POTEC: variants seen among roughly 807,000 people sequenced by gnomAD.
The protein encoded by POTEC is ANKRD26-like family B member 2.
A neutral mutation model predicts 62.0 loss-of-function variants in POTEC; 35 were observed. The observed-to-expected ratio is 0.56, with a 90% CI of 0.43 to 0.75. The LOEUF is 0.75. POTEC is among the 30% of genes least tolerant of loss of function. The pLI is 0.00. For missense variants in POTEC, 472 were observed against 655.9 expected (o/e 0.72, Z 3.06); for synonymous variants, 156 against 221.5 (o/e 0.70, Z 2.62).
Position 14,516,723 on chromosome 18 carries a change from T to C in POTEC, c.1410-2938A>G, listed in dbSNP as rs1200363603. 1.3e-4 allele frequency among the ~76,000 whole-genome samples: 20 copies of C among 151,386 alleles called. No individual in the cohort carries two copies. The East Asian group carries it at 3.1e-3, about 24-fold the overall frequency. On this transcript the variant is annotated intron_variant, in intron 9 of 10. Coordinates refer to ENST00000358970, the MANE Select transcript of POTEC (RefSeq NM_001137671.2). ...AATGTCATTATTTATATTTCAAAGA[T>C]AGCAATTTTTATTAGTAATGATTTT...
intron 6 of POTEC, chr18:14,529,106 C>T (rs1210792389): frequency 2.3e-6 from 1 of 435,360 alleles, no homozygotes; most frequent in East Asian, 7.0e-5. Context: ...TTTTTCAAAA[C>T]TTTCATTCCT....
intron 9 of POTEC, among the ~76,000 whole-genome samples, chr18:14,520,995 A>G (rs1393677835): frequency 1.3e-5 from 2 of 152,174 alleles, no homozygotes; most frequent in Non-Finnish European, 2.9e-5. Flanking sequence ...TATATAGTCC[A>G]CAAAGCCTAA....
Position 14,538,197 on chromosome 18 carries a change from G to A in POTEC, c.574C>T (p.Leu192=). Residue 192 remains leucine (L), a synonymous_variant, in exon 2 of 11, where the codon CTG becomes TTG. Coordinates refer to ENST00000358970, the MANE Select transcript of POTEC (RefSeq NM_001137671.2). ...ANGNSEVVQL[L]LDRRCQLNVL... is the part of the protein sequence containing the mutation. ...TTAAGTTGACATCGTCTGTCCAGCA[G>A]GAGTTGTACTACTTCTGAATTTCCA... 1 of 1,610,744 alleles carries A rather than the reference G, an allele frequency of 6.2e-7. No homozygotes were observed. Among genetic ancestry groups the A allele is most frequent in the South Asian group, 1.1e-5 (1 of 90,826 alleles).
At chr18:14,523,784 A>C (rs1910367706) in intron 7 of POTEC, among the ~76,000 whole-genome samples, 1 of 152,180 alleles carries the variant, frequency 6.6e-6, no homozygotes, top group Non-Finnish European at 1.5e-5. Context: ...GAATAAAAAC[A>C]TCAACCAGCA....
chr18:14,539,638 C>G (rs1598482484), intron 1 of POTEC, among the ~76,000 whole-genome samples: 1 of 151,146 alleles, frequency 6.6e-6, no homozygotes, highest in African/African-American at 2.4e-5. Flanking sequence ...ACATAGTATT[C>G]CATGCTGTTT....
At chr18:14,530,842 C>T (rs938745328) in intron 5 of POTEC, among the ~76,000 whole-genome samples, 6 of 152,148 alleles carry the variant, frequency 3.9e-5, no homozygotes, top group African/African-American at 9.7e-5. Context: ...TAAGTCCTAG[C>T]TCCATAATGA....
chr18:14,523,909 G>C (rs1422904451), intron 7 of POTEC, among the ~76,000 whole-genome samples: 1 of 152,126 alleles, frequency 6.6e-6, no homozygotes, highest in South Asian at 2.1e-4. Context: ...CACTTGAAAA[G>C]AGCGTATCTC....
intron 6 of POTEC, among the ~76,000 whole-genome samples, chr18:14,526,006 A>T (rs1299665404): frequency 6.6e-6 from 1 of 151,966 alleles, no homozygotes; most frequent in African/African-American, 2.4e-5. Context: ...GGTTCAAATG[A>T]TTCTCCTGTC....
Position 14,525,060 on chromosome 18 carries a change from T to C in POTEC, c.1127-77A>G, listed in dbSNP as rs1185351309. 12 of 1,556,200 alleles carry C rather than the reference T, an allele frequency of 7.7e-6. No individual in the cohort carries two copies. In the East Asian group the frequency reaches 1.6e-4, roughly 20 times the overall value. ...AAACTATTGCCTTTATAAAAACAGA[T>C]TGAAGACAGCATTTTATTTTATTTC... On this transcript the variant is annotated intron_variant, in intron 6 of 10. Coordinates refer to ENST00000358970, the MANE Select transcript of POTEC (RefSeq NM_001137671.2).
At position 14,543,190 on chromosome 18, in the gene POTEC, G is replaced by A. The variant is rs1598483438; in HGVS notation, c.-44C>T. ...GGAGGCCGGTAGTAGCGAACAGATCGCGTCTACCAACCAGTTTCACCAACT... is the reference window on the plus strand; with the variant it reads ...GGAGGCCGGTAGTAGCGAACAGATCACGTCTACCAACCAGTTTCACCAACT... On this transcript the variant is annotated 5_prime_UTR_variant, in exon 1 of 11. Transcript: ENST00000358970. 4 of 1,611,684 alleles carry A rather than the reference G, an allele frequency of 2.5e-6. No homozygotes were observed. Among genetic ancestry groups the A allele is most frequent in the Non-Finnish European group, 3.4e-6 (4 of 1,178,638 alleles).
At chr18:14,518,010 GCTT>G (rs1180297201) in intron 9 of POTEC, among the ~76,000 whole-genome samples, 6 of 152,082 alleles carry the variant, frequency 3.9e-5, no homozygotes, top group Admixed American at 6.6e-5. Flanking sequence ...AAAGAATGTA[GCTT>G]ATTATAAAAA....
intron 9 of POTEC, 32 bp downstream of exon 9, chr18:14,522,222 T>C: frequency 6.3e-7 from 1 of 1,595,588 alleles, no homozygotes; most frequent in Non-Finnish European, 8.5e-7. Context: ...CAGCATATAG[T>C]TATCTCCTAT....
At chr18:14,519,842 G>T (rs1294640556) in intron 9 of POTEC, among the ~76,000 whole-genome samples, 2 of 152,048 alleles carry the variant, frequency 1.3e-5, no homozygotes, top group Non-Finnish European at 2.9e-5. Flanking sequence ...GGACTAGAAA[G>T]GTAGGAGGAA....
chr18:14,516,489 T>G, intron 9 of POTEC, among the ~76,000 whole-genome samples: 1 of 131,504 alleles, frequency 7.6e-6, no homozygotes. Context: ...GAGAGAGAAG[T>G]GAAAGGGAAA....
chr18:14,510,930 G>C lies in POTEC; in HGVS notation c.*968C>G, dbSNP rs532815933. ...GACTCAGGAGGCCTGAAACCTCTGT[G>C]AGCCAGAGAACAGCAGTGAAGGTGG... On this transcript the variant is annotated 3_prime_UTR_variant, in exon 11 of 11. Transcript: ENST00000358970. 7.2e-4 allele frequency: 109 copies of C among 152,378 alleles called. No individual in the cohort carries two copies. The highest frequency in any genetic ancestry group is 2.6e-3 in the African/African-American group (107 of 41,554). The allele number at this position is 152,378 out of a possible 1,614,324, so 9.4% of individuals were successfully genotyped here. A position where few individuals can be genotyped will look rare whatever the true frequency, so the allele number is the denominator to read the frequency against.
chr18:14,542,841 G>A lies in POTEC; in HGVS notation c.306C>T (p.Cys102=), dbSNP rs1905994947. 6.2e-7 allele frequency: 1 copy of A among 1,607,824 alleles called. No individual in the cohort carries two copies. ...KTLRSKMGKW[C]CHCFPCCRGS... is the part of the protein sequence containing the mutation. ...CCCTGCAGCAGGGGAAGCAGTGACA[G>A]CACCACTTGCCCATCTTGCTCCTGA... The change falls in exon 1 of 11, where the codon TGC becomes TGT. Residue 102 remains cysteine, a synonymous_variant. Coordinates refer to ENST00000358970, the MANE Select transcript of POTEC (RefSeq NM_001137671.2).
chr18:14,538,289 A>G, intron 1 of POTEC, 40 bp from the exon 2 acceptor site: 1 of 1,577,834 alleles, frequency 6.3e-7, no homozygotes, highest in Non-Finnish European at 8.7e-7. Flanking sequence ...GTAGTGCACT[A>G]GCTAATGCCA....
chr18:14,517,670 T>A (rs1423236853), intron 9 of POTEC, among the ~76,000 whole-genome samples: 1 of 152,172 alleles, frequency 6.6e-6, no homozygotes, highest in Admixed American at 6.6e-5. Context: ...GAGACCAGCC[T>A]GACCAACGGG....
chr18:14,515,599 T>A (rs1910125197), intron 9 of POTEC, among the ~76,000 whole-genome samples: 1 of 151,838 alleles, frequency 6.6e-6, no homozygotes, highest in Non-Finnish European at 1.5e-5. Context: ...CCTAGGCAAA[T>A]AATTTATGAT....
Sources: allele counts gnomAD v4.1 joint callset (sites outside exome capture counted in the v4.1 genomes callset), GRCh38; gene constraint gnomAD v4.1.1; transcripts MANE v1.5; gene names NCBI Gene and HGNC (gene_info 2026-07-23, HGNC 2026-07-21).